The following PCDHGB2 variants were observed in gnomAD, a reference collection of about 807,000 sequenced individuals.
The protein encoded by PCDHGB2 is protocadherin gamma-B2.
Under a neutral mutation model 59.3 loss-of-function variants are expected in PCDHGB2, and 55 were observed. The observed-to-expected ratio is 0.93, with a 90% CI of 0.75 to 1.16. PCDHGB2 has a LOEUF of 1.16. Ranked by LOEUF, PCDHGB2 falls within the 50% of genes most tolerant of loss-of-function variation. The probability of loss-of-function intolerance (pLI) is 0.00; values close to 1 mark genes in which losing one functional copy is unlikely to be tolerated. For synonymous variants in PCDHGB2, 516 were observed against 512.0 expected (o/e 1.01, Z -0.11); for missense variants, 1,228 against 1,198.5 (o/e 1.02, Z -0.36).
rs749121255 is a variant in PCDHGB2 at position 141,415,427 on chromosome 5, G to A, written c.2421+52871G>A. 3.1e-6 allele frequency: 5 copies of A among 1,614,050 alleles called. No homozygotes were observed. Among genetic ancestry groups the A allele is most frequent in the African/African-American group, 1.3e-5 (1 of 74,926 alleles). ...CACTTTGTGGGCGTGGACGGGGTTC[G>A]GGCTTTCCTGCAGACCTATTCCCAC... is the stretch of plus-strand genomic sequence containing the variant. On this transcript the variant is annotated intron_variant, in intron 1 of 3. Transcript: ENST00000522605.
At chr5:141,389,170 C>CCCTCT (rs2091633405) in intron 1 of PCDHGB2, 3 of 1,614,006 alleles carry the variant, frequency 1.9e-6, no homozygotes, top group Non-Finnish European at 2.5e-6. Context: ...GGCAAGCCTC[C>CCCTCT]CCTCTCCTCC....
intron 1 of PCDHGB2, chr5:141,378,136 CATT>C (rs1561579952): frequency 6.6e-6 from 1 of 152,158 alleles, no homozygotes; most frequent in Non-Finnish European, 1.5e-5. Context: ...TTGACATCAC[CATT>C]ATTATAATTA....
rs2099415271 is a variant in PCDHGB2, at chr5:141,477,659, G to A, written c.2422-17148G>A. 6.2e-7 allele frequency: 1 copy of A among 1,614,194 alleles called. No individual in the cohort carries two copies. The highest frequency in any genetic ancestry group is 1.3e-5 in the African/African-American group (1 of 75,046). ...GGGTCGCTATTTCACAATAAATCGT[G>A]ACAATGGCATAGTGTCATCCTTAGT... On this transcript the variant is annotated intron_variant, in intron 1 of 3. Transcript: ENST00000522605. The surrounding 1 kb of genome is among the most constrained non-coding windows in gnomAD (Gnocchi z 4.9).
At chr5:141,456,051 C>T (rs1592410743) in intron 1 of PCDHGB2, among the ~76,000 whole-genome samples, 1 of 151,998 alleles carries the variant, frequency 6.6e-6, no homozygotes, top group Non-Finnish European at 1.5e-5. Context: ...GCGCCCACCA[C>T]CACGTCCGGC....
intron 1 of PCDHGB2, chr5:141,383,294 G>C: frequency 6.2e-7 from 1 of 1,613,938 alleles, no homozygotes; most frequent in Non-Finnish European, 8.5e-7. Flanking sequence ...AACGTTCCAA[G>C]ATTCTTGACG....
intron 1 of PCDHGB2, chr5:141,471,645 T>G (rs891817778): frequency 1.3e-5 from 2 of 152,178 alleles, no homozygotes; most frequent in Non-Finnish European, 2.9e-5. Context: ...AGTAATATAC[T>G]GGATGTGGGG....
chr5:141,410,318 G>C, intron 1 of PCDHGB2: 6 of 1,613,982 alleles, frequency 3.7e-6, no homozygotes, highest in Non-Finnish European at 5.1e-6. Context: ...CTTCCTCCTC[G>C]CCGTGATTCT....
At chr5:141,498,222 T>A (rs1258826914) in intron 2 of PCDHGB2, among the ~76,000 whole-genome samples, 1 of 152,218 alleles carries the variant, frequency 6.6e-6, no homozygotes, top group East Asian at 1.9e-4. Flanking sequence ...GCATTCCAGA[T>A]GGTCAGGCAT....
intron 1 of PCDHGB2, chr5:141,393,093 G>T: frequency 2.5e-6 from 4 of 1,613,620 alleles, no homozygotes; most frequent in Non-Finnish European, 3.4e-6. Context: ...AGATCGGGAG[G>T]AGCTCTGCGC....
At chr5:141,456,949 C>A (rs1277351419) in intron 1 of PCDHGB2, among the ~76,000 whole-genome samples, 2 of 152,080 alleles carry the variant, frequency 1.3e-5, no homozygotes, top group East Asian at 3.9e-4. Flanking sequence ...GGCAACAGAG[C>A]AAAACTCCAT....
chr5:141,372,030 G>A (rs1561553995), intron 1 of PCDHGB2: 1 of 1,613,446 alleles, frequency 6.2e-7, no homozygotes, highest in East Asian at 2.2e-5. Flanking sequence ...CAGCGCCAAC[G>A]TGAGCCTGCG....
At position 141,408,680 on chromosome 5, in the gene PCDHGB2, C is replaced by G. The variant is rs774572788; in HGVS notation, c.2421+46124C>G. 1.5e-4 allele frequency: 245 copies of G among 1,613,812 alleles called. No homozygotes were observed. Among genetic ancestry groups the G allele is most frequent in the Non-Finnish European group, 1.9e-4 (222 of 1,179,872 alleles). On this transcript the variant is annotated intron_variant, in intron 1 of 3. Coordinates refer to ENST00000522605, the MANE Select transcript of PCDHGB2 (RefSeq NM_018923.3). ...ACTATCGCTTGACCCTGCCACGGAT[C>G]CTGATATAAACATAAACTCAATTAA...
At position 141,487,728 on chromosome 5, in the gene PCDHGB2, C is replaced by T. The variant is rs986276637; in HGVS notation, c.2422-7079C>T. 2 of 1,570,444 alleles carry T rather than the reference C, an allele frequency of 1.3e-6. No homozygotes were observed. Among genetic ancestry groups the T allele is most frequent in the East Asian group, 2.3e-5 (1 of 42,866 alleles). ...TCAGTAAGTGCCCATAGTGATGTCA[C>T]CATTTTTGTAAGAGGTAACTATGTG... On this transcript the variant is annotated intron_variant, in intron 1 of 3. Coordinates refer to ENST00000522605, the MANE Select transcript of PCDHGB2 (RefSeq NM_018923.3). The surrounding 1 kb of genome is among the most constrained non-coding windows in gnomAD (Gnocchi z 5.0).
chr5:141,415,289 C>T (rs1413039067), intron 1 of PCDHGB2: 11 of 1,614,088 alleles, frequency 6.8e-6, no homozygotes, highest in African/African-American at 1.3e-5. Flanking sequence ...GCCGCGGTCT[C>T]CTGCGTCTTC....
chr5:141,410,032 G>C (rs1395086834), intron 1 of PCDHGB2: 5 of 1,613,162 alleles, frequency 3.1e-6, no homozygotes, highest in African/African-American at 1.3e-5. Flanking sequence ...ACGTGCTGCA[G>C]GCCAGTGAGC....
chr5:141,423,671 T>C (rs773279181), intron 1 of PCDHGB2: 7 of 1,550,720 alleles, frequency 4.5e-6, no homozygotes, highest in Non-Finnish European at 5.2e-6. Context: ...GTGAGATTTA[T>C]TTCTCTGCCT....
chr5:141,397,298 T>C (rs140040192), intron 1 of PCDHGB2, among the ~76,000 whole-genome samples: 13 of 152,318 alleles, frequency 8.5e-5, no homozygotes, highest in African/African-American at 2.9e-4. Context: ...AATGAATATT[T>C]CCTGAAGTAG....
In PCDHGB2 at chr5:141,409,417, G is replaced by A. The variant is rs774453166; in HGVS notation, c.2421+46861G>A. ...CTTCCAATAACTACTACAAACTGGT[G>A]ACAGATGGAGCCCTGGACCGAGAGC... On this transcript the variant is annotated intron_variant, in intron 1 of 3. Transcript: ENST00000522605. The A allele has an allele frequency of 5.6e-6, 9 of 1,613,880 alleles. No individual in the cohort carries two copies. The South Asian group carries it at 8.8e-5, about 16-fold the overall frequency.
rs186490614 is a variant in PCDHGB2 at position 141,415,986 on chromosome 5, T to A, written c.2421+53430T>A. 2.6e-4 allele frequency: 85 copies of A among 328,664 alleles called. 1 individual carries two copies. The highest frequency in any genetic ancestry group is 1.7e-3 in the African/African-American group (80 of 46,398). 20.4% of individuals were successfully genotyped at this position (328,664 alleles called of 1,614,324 possible). On this transcript the variant is annotated intron_variant, in intron 1 of 3. Transcript: ENST00000522605. ...CCAGCCCCTTAAGCAACCCTCTTGT[T>A]CTGAAGGCAGGTCTGGTAAGAATAG...
Sources: gnomAD v4.1 joint callset for allele counts (sites outside exome capture counted in the v4.1 genomes callset) on GRCh38, gnomAD v4.1.1 for gene constraint, Gnocchi (gnomAD v3.1) non-coding constraint, MANE v1.5 for transcripts, NCBI Gene and HGNC (gene_info 2026-07-23, HGNC 2026-07-21) for gene names.